The following VPS13D variants were observed in gnomAD, a reference collection of about 807,000 sequenced individuals.
VPS13D encodes the protein intermembrane lipid transfer protein VPS13D.
A neutral mutation model predicts 461.9 loss-of-function variants in VPS13D; 187 were observed. The ratio of observed to expected loss-of-function variants is 0.40; its 90% CI spans 0.36 to 0.46. The LOEUF is 0.46. VPS13D is among the 20% of genes least tolerant of loss of function. The probability of loss-of-function intolerance (pLI) is 0.60; values close to 1 mark genes in which losing one functional copy is unlikely to be tolerated. For missense variants in VPS13D, 4,711 were observed against 5,364.9 expected (o/e 0.88, Z 3.81); for synonymous variants, 1,951 against 1,986.3 (o/e 0.98, Z 0.47).
At chr1:12,501,671 A>G (rs190579611) in intron 68 of VPS13D, among the ~76,000 whole-genome samples, 1 of 152,366 alleles carries the variant, frequency 6.6e-6, no homozygotes, top group African/African-American at 2.4e-5. Context: ...GGTGAGTAAG[A>G]AATTTCCTCT....
In VPS13D at chr1:12,509,301, G is replaced by A. The variant is rs76233228; in HGVS notation, c.*277G>A. On this transcript the variant is annotated 3_prime_UTR_variant, in exon 70 of 70. Coordinates refer to ENST00000620676, the MANE Select transcript of VPS13D (RefSeq NM_015378.4). Reference sequence around the variant, plus strand: ...CTGAGATGAATCTAATTTTTAGATTGCCCTGTATTTTGTTAACATGTATAT... The same window carrying A: ...CTGAGATGAATCTAATTTTTAGATTACCCTGTATTTTGTTAACATGTATAT... The A allele has an allele frequency of 8.1e-3, 3,127 of 387,564 alleles. 22 individuals carry two copies. Among genetic ancestry groups the A allele is most frequent in the Non-Finnish European group, 8.6e-3 (1,854 of 216,032 alleles). The allele number at this position is 387,564 out of a possible 1,614,324, so 24.0% of individuals were successfully genotyped here. A position where few individuals can be genotyped will look rare whatever the true frequency, so the allele number is the denominator to read the frequency against.
chr1:12,286,973 GCTTC>G (rs1641992918), intron 21 of VPS13D, among the ~76,000 whole-genome samples: 1 of 152,152 alleles, frequency 6.6e-6, no homozygotes, highest in Non-Finnish European at 1.5e-5. Context: ...CCATTCTTGT[GCTTC>G]TGCCTTCCAA....
chr1:12,279,798 C>T lies in VPS13D; in HGVS notation c.4602+148C>T, dbSNP rs1331660905. ...ATAATACCATTGTTGAAACCTTGTT[C>T]CAATAATTGTGGAATCCTTTTGTCA... On this transcript the variant is annotated intron_variant, in intron 20 of 69. Coordinates refer to ENST00000620676, the MANE Select transcript of VPS13D (RefSeq NM_015378.4). This position sits in a 1 kb window ranked among gnomAD's most constrained non-coding sequence, Gnocchi z 4.3. 3.9e-6 allele frequency: 3 copies of T among 765,192 alleles called. No individual in the cohort carries two copies. Among genetic ancestry groups the T allele is most frequent in the Non-Finnish European group, 1.8e-6 (1 of 545,698 alleles). 47.4% of individuals were successfully genotyped at this position (765,192 alleles called of 1,614,324 possible).
chr1:12,470,013 A>T (rs1414475153), intron 67 of VPS13D, among the ~76,000 whole-genome samples: 1 of 152,208 alleles, frequency 6.6e-6, no homozygotes, highest in African/African-American at 2.4e-5. Context: ...AACCCACAGT[A>T]TTTGGATAAG....
In VPS13D at chr1:12,356,221, C is replaced by T; in HGVS notation, c.9871+131C>T. ...AGTCTGAGCTGCTGAAACATTCCTG[C>T]TTCCATCATAAATGCTTAATCATGC... is the stretch of plus-strand genomic sequence containing the variant. On this transcript the variant is annotated intron_variant, in intron 48 of 69. Transcript: ENST00000620676. 2.2e-6 allele frequency: 3 copies of T among 1,384,706 alleles called. No homozygotes were observed. The South Asian group carries it at 4.4e-5, about 20-fold the overall frequency. The allele number at this position is 1,384,706 out of a possible 1,614,324, so 85.8% of individuals were successfully genotyped here.
At chr1:12,327,605 T>C in intron 35 of VPS13D, 43 bp from the exon 36 acceptor site, 3 of 1,600,584 alleles carry the variant, frequency 1.9e-6, no homozygotes, top group African/African-American at 2.7e-5. Flanking sequence ...CTAGGGTAGC[T>C]GTGGAAGCTG....
At chr1:12,394,014 C>T (rs995069959) in intron 60 of VPS13D, among the ~76,000 whole-genome samples, 9 of 152,130 alleles carry the variant, frequency 5.9e-5, no homozygotes, top group African/African-American at 9.7e-5. Flanking sequence ...GTCCTGTATC[C>T]GCGAAATGTC....
chr1:12,385,424 A>C, intron 59 of VPS13D, 51 bp downstream of exon 59: 9 of 1,477,110 alleles, frequency 6.1e-6, no homozygotes, highest in Non-Finnish European at 8.3e-6. Context: ...GTTTTTTAGA[A>C]TTTTACTTGG....
At chr1:12,246,476 A>G (rs1423503918) in intron 5 of VPS13D, among the ~76,000 whole-genome samples, 1 of 152,196 alleles carries the variant, frequency 6.6e-6, no homozygotes, top group African/African-American at 2.4e-5. Flanking sequence ...CCAGTTAAGT[A>G]TAATGCAAAT....
In VPS13D at chr1:12,333,293, C is replaced by G. The variant is rs760020403; in HGVS notation, c.8355C>G (p.Leu2785=). 3 of 1,614,036 alleles carry G rather than the reference C, an allele frequency of 1.9e-6. No homozygotes were observed. Among genetic ancestry groups the G allele is most frequent in the Admixed American group, 3.3e-5 (2 of 60,002 alleles). Reference sequence around the variant, plus strand: ...GGCAACAGCAGGCAGCTAGTCGTCTCCATCCTCCTCGACTGAAGCTAGAAG... The same window carrying G: ...GGCAACAGCAGGCAGCTAGTCGTCTGCATCCTCCTCGACTGAAGCTAGAAG... ...VSWQQQAASR[L]HPPRLKLEAK... The change falls in exon 38 of 70, where the codon CTC becomes CTG. Residue 2785 remains leucine, a synonymous_variant. Transcript: ENST00000620676.
intron 65 of VPS13D, among the ~76,000 whole-genome samples, chr1:12,446,700 G>A (rs1477309764): frequency 6.6e-6 from 1 of 152,184 alleles, no homozygotes; most frequent in Non-Finnish European, 1.5e-5. Flanking sequence ...CTTAGCAAAT[G>A]TTTTAGCTTT....
chr1:12,400,211 C>T lies in VPS13D; in HGVS notation c.11665C>T (p.Pro3889Ser), dbSNP rs899599493. Residue 3889 changes from proline to serine, a missense_variant, in exon 61 of 70, where the codon CCC (proline) becomes TCC (serine). By Grantham distance (74) the Pro-to-Ser change is moderately conservative. Around this residue, in one of 3 missense-constraint regions of VPS13D, gnomAD observed 4,411 missense variants for 4,937.8 expected, o/e 0.89. Transcript: ENST00000620676. ...CAATCAGCTCATTGGTACCACGCAG[C>T]CCTTCATGCTCTATGTGACTCCCCT... Reference protein sequence around the residue: ...VDNQLIGTTQPFMLYVTPLSN... With the variant: ...VDNQLIGTTQSFMLYVTPLSN... The T allele has an allele frequency of 6.2e-6, 10 of 1,613,990 alleles. 1 individual carries two copies. Among genetic ancestry groups the T allele is most frequent in the South Asian group, 3.3e-5 (3 of 91,080 alleles).
chr1:12,230,588 A>T (rs1639931081), intron 1 of VPS13D, among the ~76,000 whole-genome samples: 1 of 152,116 alleles, frequency 6.6e-6, no homozygotes, highest in Non-Finnish European at 1.5e-5. Flanking sequence ...TACGCCGAAG[A>T]GTGGGGTGTC....
chr1:12,280,397 C>T (rs964004968), intron 20 of VPS13D, among the ~76,000 whole-genome samples: 1 of 152,098 alleles, frequency 6.6e-6, no homozygotes, highest in African/African-American at 2.4e-5. Flanking sequence ...AAAGCTTTCC[C>T]TTCTCAGACT....
intron 13 of VPS13D, among the ~76,000 whole-genome samples, chr1:12,262,838 T>C: frequency 6.6e-6 from 1 of 151,736 alleles, no homozygotes. Context: ...TGAGTAGCTG[T>C]GACTACAGGC....
intron 40 of VPS13D, among the ~76,000 whole-genome samples, chr1:12,340,783 T>G (rs926547360): frequency 3.3e-5 from 5 of 152,256 alleles, no homozygotes; most frequent in African/African-American, 1.2e-4. Context: ...TTTTTTTTGT[T>G]GGTTGTGTAC....
At chr1:12,313,511 C>G (rs1015960435) in intron 29 of VPS13D, among the ~76,000 whole-genome samples, 3 of 151,672 alleles carry the variant, frequency 2.0e-5, no homozygotes, top group Non-Finnish European at 4.4e-5. Flanking sequence ...TAGTTTTTCT[C>G]AATATGGAAT....
In VPS13D at chr1:12,511,003, C is replaced by G. The variant is rs952086673; in HGVS notation, c.*1979C>G. 12 of 152,184 alleles carry G rather than the reference C, an allele frequency of 7.9e-5. No individual in the cohort carries two copies. The highest frequency in any genetic ancestry group is 2.9e-4 in the African/African-American group (12 of 41,418). 9.4% of individuals were successfully genotyped at this position (152,184 alleles called of 1,614,324 possible). On this transcript the variant is annotated 3_prime_UTR_variant, in exon 70 of 70. Coordinates refer to ENST00000620676, the MANE Select transcript of VPS13D (RefSeq NM_015378.4). The surrounding 1 kb of genome is among the most constrained non-coding windows in gnomAD (Gnocchi z 4.5). ...CTTCTGGAACAAAGTCACTTGAAAT[C>G]TCTTGATGAGATTAAGGAGTTTAGT...
chr1:12,235,738 A>T (rs986325281), intron 2 of VPS13D, among the ~76,000 whole-genome samples: 2 of 152,176 alleles, frequency 1.3e-5, no homozygotes, highest in African/African-American at 4.8e-5. Flanking sequence ...AACGGGAGCT[A>T]AGTGGAAAGT....
Sources: gnomAD v4.1 joint callset for allele counts (sites outside exome capture counted in the v4.1 genomes callset) on GRCh38, gnomAD v4.1.1 for gene constraint, gnomAD v4.1.1 regional missense constraint, Gnocchi (gnomAD v3.1) non-coding constraint, MANE v1.5 for transcripts, NCBI Gene and HGNC (gene_info 2026-07-23, HGNC 2026-07-21) for gene names.